The following PRKG2 variants were observed in gnomAD, a reference collection of about 807,000 sequenced individuals.
PRKG2 encodes the protein cGMP-dependent protein kinase 2.
In PRKG2, 33 loss-of-function variants were observed where a neutral mutation model predicts 97.2. The observed-to-expected ratio is 0.34, with a 90% CI of 0.26 to 0.45. The LOEUF (loss-of-function observed/expected upper bound fraction) is 0.45, where lower values mean the gene tolerates loss of function less well. Ranked by LOEUF, PRKG2 falls within the 20% of genes least tolerant of loss-of-function variation. PRKG2 has a pLI of 1.00. For missense variants in PRKG2, 638 were observed against 900.0 expected (o/e 0.71, Z 3.73); for synonymous variants, 330 against 321.8 (o/e 1.03, Z -0.27).
intron 18 of PRKG2, among the ~76,000 whole-genome samples, chr4:81,091,568 C>T (rs1051953029): frequency 3.3e-5 from 5 of 152,118 alleles, no homozygotes; most frequent in Non-Finnish European, 7.4e-5. Flanking sequence ...CAGGCGTGAG[C>T]CACCATGCCT....
chr4:81,189,697 C>T (rs1752299722), intron 2 of PRKG2, among the ~76,000 whole-genome samples: 1 of 151,550 alleles, frequency 6.6e-6, no homozygotes, highest in Non-Finnish European at 1.5e-5. Flanking sequence ...ACCAGCCTGG[C>T]ACATGTATAC....
Position 81,137,453 on chromosome 4 carries a change from T to A in PRKG2, c.1574A>T (p.Tyr525Phe), listed in dbSNP as rs143281279. ...KLYRTFKDNK[Y>F]VYMLLEACLG... ...GCAGGCCTCCAGAAGCATGTATACA[T>A]ACTTATTGTCCTTGAAAGTACGATA... Residue 525 changes from tyrosine (Y) to phenylalanine (F), a missense_variant, in exon 13 of 19, where the codon TAT becomes TTT. Coordinates refer to ENST00000264399, the MANE Select transcript of PRKG2 (RefSeq NM_006259.3). The A allele has an allele frequency of 2.5e-6, 4 of 1,612,162 alleles. No individual in the cohort carries two copies. The highest frequency in any genetic ancestry group is 1.3e-5 in the African/African-American group (1 of 74,892).
At chr4:81,140,490 A>G in intron 12 of PRKG2, 43 bp downstream of exon 12, 1 of 1,487,190 alleles carries the variant, frequency 6.7e-7, no homozygotes, top group Non-Finnish European at 9.0e-7. Flanking sequence ...ATAAATAAAG[A>G]GCCTGAAAAT....
intron 2 of PRKG2, among the ~76,000 whole-genome samples, chr4:81,179,304 CA>C (rs1345297698): frequency 1.3e-5 from 2 of 151,870 alleles, no homozygotes; most frequent in Non-Finnish European, 1.5e-5. Context: ...CTCTAAAAAG[CA>C]GCTAGAAAAA....
At position 81,110,602 on chromosome 4, in the gene PRKG2, CAA is replaced by C; in HGVS notation, c.1784_1785del (p.Phe595TrpfsTer25). ...DAEGYLKLVD[F>X]GFAKKIGSGQ... ...CCAGACCCTATTTTCTTCGCAAATCCAAAGTCAACCTGGTAAAGAATAGCAAA... is the reference window on the plus strand; with the variant it reads ...CCAGACCCTATTTTCTTCGCAAATCCAGTCAACCTGGTAAAGAATAGCAAA... On this transcript the variant is annotated frameshift_variant, in exon 15 of 19. Coordinates refer to ENST00000264399, the MANE Select transcript of PRKG2 (RefSeq NM_006259.3). LOFTEE classifies it high-confidence loss of function. 1 of 1,613,690 alleles carries C rather than the reference CAA, an allele frequency of 6.2e-7. No homozygotes were observed.
intron 15 of PRKG2, among the ~76,000 whole-genome samples, chr4:81,109,801 G>A (rs1181824008): frequency 3.9e-5 from 6 of 152,104 alleles, no homozygotes; most frequent in African/African-American, 7.2e-5. Flanking sequence ...GTGTGTTTGC[G>A]TAGGTGTGTA....
At chr4:81,161,782 C>G (rs1485658717) in intron 6 of PRKG2, among the ~76,000 whole-genome samples, 1 of 152,146 alleles carries the variant, frequency 6.6e-6, no homozygotes, top group Non-Finnish European at 1.5e-5. Flanking sequence ...TAATTCTATG[C>G]TCATGCAACT....
chr4:81,207,692 TAA>T (rs1387360479), intron 1 of PRKG2, among the ~76,000 whole-genome samples: 1 of 152,208 alleles, frequency 6.6e-6, no homozygotes, highest in Admixed American at 6.5e-5. Context: ...GGAAGCTATG[TAA>T]ATCTTTCAAG....
intron 2 of PRKG2, among the ~76,000 whole-genome samples, chr4:81,186,766 G>C (rs1751919840): frequency 6.6e-6 from 1 of 152,028 alleles, no homozygotes; most frequent in Admixed American, 6.5e-5. Flanking sequence ...GAGTCCAACA[G>C]ACACAATAAC....
At chr4:81,122,723 GA>G (rs1321893686) in intron 14 of PRKG2, among the ~76,000 whole-genome samples, 4 of 152,094 alleles carry the variant, frequency 2.6e-5, no homozygotes, top group Admixed American at 2.6e-4. Context: ...ATATTGCCAA[GA>G]ATTGATGAAG....
At position 81,167,268 on chromosome 4, in the gene PRKG2, A is replaced by G. The variant is rs1054429651; in HGVS notation, c.849-44T>C. ...ACCTTCAATTACCTTCCTGAATTAA[A>G]CTATAAATATACACATATGCAGATT... On this transcript the variant is annotated intron_variant, in intron 5 of 18. Transcript: ENST00000264399. 8.5e-6 allele frequency: 11 copies of G among 1,286,714 alleles called. No individual in the cohort carries two copies. The African/African-American group carries it at 1.7e-4, about 19-fold the overall frequency. 79.7% of individuals were successfully genotyped at this position (1,286,714 alleles called of 1,614,324 possible).
intron 17 of PRKG2, among the ~76,000 whole-genome samples, chr4:81,093,404 C>CACACA (rs1161563404): frequency 1.4e-5 from 2 of 144,916 alleles, no homozygotes; most frequent in African/African-American, 5.4e-5. Context: ...CACACACACA[C>CACACA]AAGCTTCTTA....
At chr4:81,131,149 G>C (rs1333534943) in intron 14 of PRKG2, among the ~76,000 whole-genome samples, 1 of 152,052 alleles carries the variant, frequency 6.6e-6, no homozygotes, top group African/African-American at 2.4e-5. Context: ...TCTGTGGGTT[G>C]CAAGGACCAT....
At chr4:81,186,658 C>T (rs996619383) in intron 2 of PRKG2, among the ~76,000 whole-genome samples, 1 of 151,732 alleles carries the variant, frequency 6.6e-6, no homozygotes, top group Non-Finnish European at 1.5e-5. Flanking sequence ...CATGAAAAAC[C>T]CTTCAAAAAA....
At chr4:81,175,097 C>A (rs570607760) in intron 2 of PRKG2, 138 bp from the exon 3 acceptor site, 2 of 766,978 alleles carry the variant, frequency 2.6e-6, no homozygotes, top group East Asian at 5.8e-5. Flanking sequence ...TTTCTAACCC[C>A]ACCAAACATT....
chr4:81,154,309 T>TG (rs1024069638), intron 6 of PRKG2: 1 of 152,954 alleles, frequency 6.5e-6, no homozygotes, highest in Non-Finnish European at 1.5e-5. Context: ...GCTCCACCTC[T>TG]GGGGGCAGGG....
At position 81,110,525 on chromosome 4, in the gene PRKG2, G is replaced by T; in HGVS notation, c.1863C>A (p.Val621=). 1 of 1,612,486 alleles carries T rather than the reference G, an allele frequency of 6.2e-7. No homozygotes were observed. The highest frequency in any genetic ancestry group is 8.5e-7 in the Non-Finnish European group (1 of 1,179,880). Residue 621 remains valine (V), a synonymous_variant, in exon 15 of 19, where the codon GTC becomes GTA. Coordinates refer to ENST00000264399, the MANE Select transcript of PRKG2 (RefSeq NM_006259.3). ...TGAAGTCATGTCCCTTGTTGAGAAT[G>T]ACTTCAGGAGCTACATATTCTGGAG... ...CGTPEYVAPE[V]ILNKGHDFSV...
chr4:81,105,515 A>G (rs1001522634), intron 16 of PRKG2, among the ~76,000 whole-genome samples: 3 of 151,986 alleles, frequency 2.0e-5, no homozygotes, highest in Non-Finnish European at 4.4e-5. Flanking sequence ...CTCCTTTTTT[A>G]GCCTAAGGTT....
At chr4:81,169,975 G>A (rs768570014) in intron 4 of PRKG2, among the ~76,000 whole-genome samples, 12 of 152,100 alleles carry the variant, frequency 7.9e-5, no homozygotes, top group Middle Eastern at 3.4e-3. Context: ...CTATTATTTG[G>A]AAATGACTAG....
Sources: allele counts gnomAD v4.1 joint callset (sites outside exome capture counted in the v4.1 genomes callset), GRCh38; gene constraint gnomAD v4.1.1; transcripts MANE v1.5; gene names NCBI Gene and HGNC (gene_info 2026-07-23, HGNC 2026-07-21).